The following CNTN5 variants were observed in gnomAD, a reference collection of about 807,000 sequenced individuals.
CNTN5 encodes the protein contactin-5.
A neutral mutation model predicts 129.1 loss-of-function variants in CNTN5; 77 were observed. That is an observed-to-expected ratio of 0.60 (90% CI 0.50 to 0.72). CNTN5 has a LOEUF of 0.72. Among genes scored for constraint, CNTN5 ranks in the 30% least tolerant of loss-of-function variants. The pLI is 0.00. For synonymous variants in CNTN5, 509 were observed against 465.6 expected, an observed-to-expected ratio of 1.09 and a Z score of -1.20; for missense variants, 1,478 against 1,328.8, an observed-to-expected ratio of 1.11 and a Z score of -1.75.
intron 1 of CNTN5, among the ~76,000 whole-genome samples, chr11:99,307,605 G>C (rs1864932163): frequency 6.6e-6 from 1 of 152,074 alleles, no homozygotes; most frequent in Admixed American, 6.6e-5. Flanking sequence ...CTAATATCAT[G>C]ATTCAATCTG....
chr11:99,268,691 A>G (rs1192049511), intron 1 of CNTN5, among the ~76,000 whole-genome samples: 1 of 152,028 alleles, frequency 6.6e-6, no homozygotes, highest in Admixed American at 6.6e-5. Flanking sequence ...TATATTTTTG[A>G]ACAAATATGT....
At chr11:99,057,819 T>C (rs895413354) in intron 1 of CNTN5, among the ~76,000 whole-genome samples, 12 of 144,612 alleles carry the variant, frequency 8.3e-5, no homozygotes, top group Admixed American at 7.4e-4. Flanking sequence ...TGTGTGTGTA[T>C]GGTCATAAAT....
chr11:99,148,970 A>T (rs1372675891), intron 1 of CNTN5, among the ~76,000 whole-genome samples: 1 of 150,964 alleles, frequency 6.6e-6, no homozygotes. Flanking sequence ...TGTATGAGAG[A>T]GTTTTAGAAC....
intron 9 of CNTN5, among the ~76,000 whole-genome samples, chr11:100,009,386 A>T (rs1940387146): frequency 1.3e-5 from 2 of 152,110 alleles, no homozygotes; most frequent in African/African-American, 4.8e-5. Flanking sequence ...GAAAAATGGG[A>T]AGTGTTTCAA....
chr11:100,287,209 C>A (rs1950817674), intron 18 of CNTN5, among the ~76,000 whole-genome samples: 2 of 152,218 alleles, frequency 1.3e-5, no homozygotes, highest in South Asian at 2.1e-4. Flanking sequence ...GAGAACTTCC[C>A]CAATCTAGCA....
At chr11:99,626,938 T>G (rs1008845417) in intron 3 of CNTN5, among the ~76,000 whole-genome samples, 1 of 152,144 alleles carries the variant, frequency 6.6e-6, no homozygotes, top group Non-Finnish European at 1.5e-5. Flanking sequence ...TAAATTAAAG[T>G]ACCATTTCTC....
At chr11:99,584,580 C>A (rs1219109501) in intron 3 of CNTN5, among the ~76,000 whole-genome samples, 1 of 152,162 alleles carries the variant, frequency 6.6e-6, no homozygotes, top group African/African-American at 2.4e-5. Context: ...AATCTTGTCT[C>A]ACTCAATAAT....
intron 9 of CNTN5, among the ~76,000 whole-genome samples, chr11:100,039,423 T>C (rs1395977179): frequency 6.6e-6 from 1 of 152,186 alleles, no homozygotes; most frequent in Non-Finnish European, 1.5e-5. Context: ...ATTTCAACTT[T>C]GGTGAATCTG....
chr11:99,649,278 C>G (rs1952074037), intron 3 of CNTN5, among the ~76,000 whole-genome samples: 1 of 151,618 alleles, frequency 6.6e-6, no homozygotes, highest in Non-Finnish European at 1.5e-5. Flanking sequence ...TTAATTTAAA[C>G]TTAGTAAAAT....
chr11:100,151,925 G>A (rs1947074240), intron 13 of CNTN5, among the ~76,000 whole-genome samples: 1 of 151,450 alleles, frequency 6.6e-6, no homozygotes, highest in African/African-American at 2.4e-5. Context: ...CAGTCCTCTG[G>A]CCTCAGTTCT....
chr11:99,111,509 G>A (rs1333950480), intron 1 of CNTN5, among the ~76,000 whole-genome samples: 1 of 152,016 alleles, frequency 6.6e-6, no homozygotes, highest in Admixed American at 6.6e-5. Context: ...TGGAATTTAG[G>A]AATTAAGGAA....
chr11:100,278,578 A>G (rs982611118), intron 18 of CNTN5, among the ~76,000 whole-genome samples: 2 of 151,996 alleles, frequency 1.3e-5, no homozygotes, highest in Non-Finnish European at 2.9e-5. Context: ...TGTAAATAAG[A>G]TAAGTTTCTT....
intron 3 of CNTN5, among the ~76,000 whole-genome samples, chr11:99,789,308 C>T (rs1223029267): frequency 6.6e-6 from 1 of 151,798 alleles, no homozygotes; most frequent in Non-Finnish European, 1.5e-5. Context: ...TACTATTATC[C>T]TGATTTTACA....
intron 3 of CNTN5, among the ~76,000 whole-genome samples, chr11:99,705,001 A>C (rs1230440078): frequency 6.6e-6 from 1 of 151,358 alleles, no homozygotes; most frequent in Non-Finnish European, 1.5e-5. Context: ...TAGCCTGTGA[A>C]TCTGCTTTTG....
intron 3 of CNTN5, among the ~76,000 whole-genome samples, chr11:99,734,100 G>T (rs767062240): frequency 2.0e-5 from 3 of 152,106 alleles, no homozygotes; most frequent in Admixed American, 2.0e-4. Flanking sequence ...TTTTAGGAGA[G>T]AATTTTATGA....
At chr11:99,830,639 C>T (rs140455539) in intron 4 of CNTN5, among the ~76,000 whole-genome samples, 5 of 152,088 alleles carry the variant, frequency 3.3e-5, no homozygotes, top group Admixed American at 6.6e-5. Context: ...TAAAATACAT[C>T]ATGTCAGTTT....
chr11:100,061,395 T>G lies in CNTN5; in HGVS notation c.1162+2T>G. 6.4e-7 allele frequency: 1 copy of G among 1,551,246 alleles called. No homozygotes were observed. The highest frequency in any genetic ancestry group is 8.8e-7 in the Non-Finnish European group (1 of 1,135,440). ...TTCGTGGACAATTACAAGTATACAGTAAGTGTTTTCAGCAAAGCATGATTG... is the reference window on the plus strand; with the variant it reads ...TTCGTGGACAATTACAAGTATACAGGAAGTGTTTTCAGCAAAGCATGATTG... On this transcript the variant is annotated splice_donor_variant, in intron 10 of 24. Transcript: ENST00000524871. LOFTEE classifies it high-confidence loss of function.
intron 3 of CNTN5, among the ~76,000 whole-genome samples, chr11:99,695,983 T>C (rs1954253153): frequency 6.6e-6 from 1 of 152,218 alleles, no homozygotes; most frequent in Admixed American, 6.5e-5. Flanking sequence ...ACCATATAGA[T>C]GTTTACCTGT....
intron 8 of CNTN5, among the ~76,000 whole-genome samples, chr11:99,977,130 A>C (rs922910218): frequency 2.0e-5 from 3 of 152,172 alleles, no homozygotes; most frequent in African/African-American, 7.2e-5. Flanking sequence ...CAGAGGCAAA[A>C]TACCACCAGT....
Sources: gnomAD v4.1 joint callset for allele counts (sites outside exome capture counted in the v4.1 genomes callset) on GRCh38, gnomAD v4.1.1 for gene constraint, MANE v1.5 for transcripts, NCBI Gene and HGNC (gene_info 2026-07-23, HGNC 2026-07-21) for gene names.